AGTPBP1: variants seen among roughly 807,000 people sequenced by gnomAD.
AGTPBP1 encodes the protein ATP/GTP binding carboxypeptidase 1.
AGTPBP1 carries 70 observed loss-of-function variants against 143.9 expected under a neutral mutation model. The ratio of observed to expected loss-of-function variants is 0.49; its 90% CI spans 0.40 to 0.59. The LOEUF (loss-of-function observed/expected upper bound fraction) is 0.59. Among genes scored for constraint, AGTPBP1 ranks in the 20% least tolerant of loss-of-function variants. The pLI is 0.00. For synonymous variants in AGTPBP1, 463 were observed against 500.2 expected (o/e 0.93, Z 0.99); for missense variants, 1,229 against 1,464.5 (o/e 0.84, Z 2.62).
chr9:85,707,851 G>A (rs1837109007), intron 2 of AGTPBP1, among the ~76,000 whole-genome samples: 1 of 150,964 alleles, frequency 6.6e-6, no homozygotes. Flanking sequence ...CTCATAAGTG[G>A]CAGTTGAACA....
chr9:85,779,297 A>G, the AGTPBP1 span, among the ~76,000 whole-genome samples: 63 of 151,036 alleles, frequency 4.2e-4, no homozygotes, highest in Non-Finnish European at 7.5e-4. Context: ...CTATATCTCT[A>G]TATATATAAA....
At chr9:85,664,667 ACT>A (rs950206720) in intron 8 of AGTPBP1, among the ~76,000 whole-genome samples, 14 of 152,222 alleles carry the variant, frequency 9.2e-5, no homozygotes, top group Admixed American at 3.3e-4. Flanking sequence ...TCCTATGGTT[ACT>A]CTGTTTAATT....
At chr9:85,618,820 A>G (rs974275054) in intron 17 of AGTPBP1, among the ~76,000 whole-genome samples, 163 bp downstream of exon 17, 2 of 152,220 alleles carry the variant, frequency 1.3e-5, no homozygotes, top group Non-Finnish European at 2.9e-5. Context: ...CACCAACAAA[A>G]GCTTGACCTA....
At chr9:85,725,791 T>TA (rs941868897) in intron 1 of AGTPBP1, among the ~76,000 whole-genome samples, 2 of 151,740 alleles carry the variant, frequency 1.3e-5, no homozygotes, top group Non-Finnish European at 2.9e-5. Flanking sequence ...CACACTTGTA[T>TA]TCCTAGCACT....
intron 17 of AGTPBP1, 104 bp downstream of exon 17, chr9:85,618,879 A>G (rs1439485447): frequency 1.6e-6 from 2 of 1,226,418 alleles, no homozygotes; most frequent in Admixed American, 5.3e-5. Context: ...AGAAAACAAG[A>G]CACTGAAACA....
intron 8 of AGTPBP1, among the ~76,000 whole-genome samples, chr9:85,666,393 G>A (rs1587857305): frequency 6.6e-6 from 1 of 152,068 alleles, no homozygotes; most frequent in East Asian, 1.9e-4. Flanking sequence ...TTTAAAGGGA[G>A]GAAGAAATAC....
Position 85,689,504 on chromosome 9 carries a change from G to A in AGTPBP1, c.157+3185C>T, listed in dbSNP as rs1017392181. Among the ~76,000 whole-genome samples, 4 of 152,220 alleles carry A rather than the reference G, an allele frequency of 2.6e-5. No homozygotes were observed. The South Asian group carries it at 6.2e-4, about 24-fold the overall frequency. On this transcript the variant is annotated intron_variant, in intron 3 of 25. Coordinates refer to ENST00000357081, the MANE Select transcript of AGTPBP1 (RefSeq NM_001330701.2). Reference sequence around the variant, plus strand: ...AAAATTACTCACACATTCTCTCAGTGATAGACATTTAGGTTGTTTCTTGAA... The same window carrying A: ...AAAATTACTCACACATTCTCTCAGTAATAGACATTTAGGTTGTTTCTTGAA...
intron 2 of AGTPBP1, among the ~76,000 whole-genome samples, chr9:85,711,987 G>A (rs1028855109): frequency 6.6e-5 from 10 of 152,064 alleles, no homozygotes; most frequent in African/African-American, 2.4e-4. Flanking sequence ...AAACCGGCCG[G>A]GCATGGAGGT....
intron 9 of AGTPBP1, among the ~76,000 whole-genome samples, chr9:85,659,499 CAGTT>C (rs1283071117): frequency 3.9e-5 from 6 of 151,914 alleles, no homozygotes; most frequent in Non-Finnish European, 8.8e-5. Flanking sequence ...TTCTACTTGT[CAGTT>C]ACTTTTTTTT....
chr9:85,690,176 T>A (rs575566925), intron 3 of AGTPBP1, among the ~76,000 whole-genome samples: 1 of 152,236 alleles, frequency 6.6e-6, no homozygotes, highest in African/African-American at 2.4e-5. Flanking sequence ...TAGCAGTTCC[T>A]GAACTGTAAG....
rs921485697 is a variant in AGTPBP1 at position 85,657,272 on chromosome 9, G to C, written c.909+163C>G. ...GACCATTTCCTCCAACTCAGCCTGA[G>C]GTCACATGTGAGAAATAATTGTGTC... On this transcript the variant is annotated intron_variant, in intron 10 of 25. Transcript: ENST00000357081. Among the ~76,000 whole-genome samples the C allele has an allele frequency of 2.0e-5, 3 of 151,094 alleles. No individual in the cohort carries two copies. In the East Asian group the frequency reaches 5.8e-4, roughly 29 times the overall value.
At chr9:85,643,611 G>C (rs764049566) in intron 12 of AGTPBP1, among the ~76,000 whole-genome samples, 1 of 152,066 alleles carries the variant, frequency 6.6e-6, no homozygotes, top group Non-Finnish European at 1.5e-5. Flanking sequence ...TTTTCAGTGG[G>C]GGAAAAAAGT....
intron 17 of AGTPBP1, among the ~76,000 whole-genome samples, chr9:85,616,183 T>C (rs1830591220): frequency 6.6e-6 from 1 of 152,020 alleles, no homozygotes; most frequent in South Asian, 2.1e-4. Context: ...TTTTATTTTT[T>C]TCTTAACACC....
intron 17 of AGTPBP1, among the ~76,000 whole-genome samples, chr9:85,615,808 C>T (rs1001775107): frequency 5.3e-5 from 8 of 151,820 alleles, no homozygotes; most frequent in Admixed American, 5.2e-4. Context: ...CATACAGATA[C>T]TTCTATGAAT....
intron 3 of AGTPBP1, among the ~76,000 whole-genome samples, chr9:85,689,925 A>AAAAAAAATATATATATATATATATATAT (rs58719163): frequency 1.4e-5 from 1 of 72,496 alleles, no homozygotes; most frequent in African/African-American, 6.9e-5. Context: ...AAAAAAAAAA[A>AAAAAAAATATATATATATATATATATAT]ATATATATAT....
chr9:85,630,872 G>A (rs1015476930), intron 14 of AGTPBP1, among the ~76,000 whole-genome samples: 3 of 152,098 alleles, frequency 2.0e-5, no homozygotes, highest in Admixed American at 6.5e-5. Flanking sequence ...TCTCATTCCT[G>A]AGCAGTGTGA....
In AGTPBP1 at chr9:85,630,905, C is replaced by A. The variant is rs73477733; in HGVS notation, c.2015+1757G>T. 9.8e-3 allele frequency among the ~76,000 whole-genome samples: 1,485 copies of A among 152,262 alleles called. 14 individuals carry two copies. The highest frequency in any genetic ancestry group is 0.034 in the African/African-American group (1,419 of 41,538). Reference sequence around the variant, plus strand: ...TGAGCCCCTGGTAATCATTCTCATTCCAGGCCGGCTGTAACATGTCCATTC... The same window carrying A: ...TGAGCCCCTGGTAATCATTCTCATTACAGGCCGGCTGTAACATGTCCATTC... On this transcript the variant is annotated intron_variant, in intron 14 of 25. Coordinates refer to ENST00000357081, the MANE Select transcript of AGTPBP1 (RefSeq NM_001330701.2).
chr9:85,575,577 A>G (rs1827848295), intron 24 of AGTPBP1, 102 bp from the exon 25 acceptor site: 4 of 957,328 alleles, frequency 4.2e-6, no homozygotes, highest in Non-Finnish European at 5.8e-6. Flanking sequence ...ATATTAATAA[A>G]ATTAAAAGGC....
chr9:85,794,898 T>C, the AGTPBP1 span, among the ~76,000 whole-genome samples: 1 of 152,206 alleles, frequency 6.6e-6, no homozygotes, highest in South Asian at 2.1e-4. Context: ...GTAAGTGGAA[T>C]TGTGTTCTTA....
Sources: allele counts gnomAD v4.1 joint callset (sites outside exome capture counted in the v4.1 genomes callset), GRCh38; gene constraint gnomAD v4.1.1; transcripts MANE v1.5; gene names NCBI Gene and HGNC (gene_info 2026-07-23, HGNC 2026-07-21).